GALNT11: variants seen among roughly 807,000 people sequenced by gnomAD.
GALNT11 encodes the protein UDP-GalNAc:polypeptide N-acetylgalactosaminyltransferase 11.
Under a neutral mutation model 72.7 loss-of-function variants are expected in GALNT11, and 47 were observed. That is an observed-to-expected ratio of 0.65 (90% confidence interval 0.51 to 0.82). GALNT11 has a LOEUF of 0.82. GALNT11 is among the 40% of genes least tolerant of loss of function. GALNT11 has a pLI of 0.00. For missense variants in GALNT11, 677 were observed against 778.4 expected (o/e 0.87, Z 1.55); for synonymous variants, 270 against 286.6 (o/e 0.94, Z 0.58).
chr7:152,067,641 T>A (rs561070818), intron 1 of GALNT11, among the ~76,000 whole-genome samples: 4 of 152,340 alleles, frequency 2.6e-5, no homozygotes, highest in African/African-American at 9.6e-5. Flanking sequence ...AGAGCCATCT[T>A]GCACATTTCC....
At chr7:152,032,447 A>G (rs2082347859) in intron 1 of GALNT11, among the ~76,000 whole-genome samples, 1 of 152,328 alleles carries the variant, frequency 6.6e-6, no homozygotes, top group South Asian at 2.1e-4. Context: ...AACTGGATAT[A>G]GAGGAATTAC....
At position 152,121,601 on chromosome 7, in the gene GALNT11, C is replaced by G; in HGVS notation, c.1751C>G (p.Pro584Arg). The change falls in exon 12 of 12, where the codon CCC becomes CGC. Residue 584 changes from proline to arginine, a missense_variant. Transcript: ENST00000430044. ...SVGQCLRAVD[P>R]LGQKGSVAMA... ...GGACAGTGCCTGAGAGCAGTGGATC[C>G]CCTGGGTCAGAAGGGCTCTGTCGCC... 6.2e-7 allele frequency: 1 copy of G among 1,614,132 alleles called. No individual in the cohort carries two copies. Among genetic ancestry groups the G allele is most frequent in the Non-Finnish European group, 8.5e-7 (1 of 1,180,010 alleles).
chr7:152,030,086 C>T (rs903948141), intron 1 of GALNT11, among the ~76,000 whole-genome samples: 1 of 152,108 alleles, frequency 6.6e-6, no homozygotes, highest in Non-Finnish European at 1.5e-5. Flanking sequence ...GTTTTTTCCC[C>T]GTGTGCGGAG....
At chr7:152,105,395 C>T (rs749292487) in intron 5 of GALNT11, 25 bp downstream of exon 5, 1 of 1,604,380 alleles carries the variant, frequency 6.2e-7, no homozygotes, top group South Asian at 1.1e-5. Flanking sequence ...TAGCTTTGCT[C>T]TACAGGTGTT....
intron 1 of GALNT11, among the ~76,000 whole-genome samples, chr7:152,029,834 G>C (rs1018697819): frequency 5.3e-5 from 8 of 152,338 alleles, no homozygotes; most frequent in Admixed American, 4.6e-4. Context: ...TTGTATGGTA[G>C]TTAGTTAAGA....
At chr7:152,093,402 AT>A (rs138875670) in intron 1 of GALNT11, among the ~76,000 whole-genome samples, 29 of 151,884 alleles carry the variant, frequency 1.9e-4, no homozygotes, top group Non-Finnish European at 3.2e-4. Flanking sequence ...GGAAAGTAGA[AT>A]TTTTTTTAAG....
intron 1 of GALNT11, among the ~76,000 whole-genome samples, chr7:152,059,011 C>G (rs2083853745): frequency 6.6e-6 from 1 of 152,166 alleles, no homozygotes; most frequent in East Asian, 1.9e-4. Flanking sequence ...CTTCTAAACT[C>G]CCGTTAATAT....
intron 1 of GALNT11, among the ~76,000 whole-genome samples, chr7:152,082,441 A>G (rs948814456): frequency 6.6e-6 from 1 of 152,200 alleles, no homozygotes; most frequent in African/African-American, 2.4e-5. Context: ...AGAACTTTTT[A>G]AAAGAGGCAA....
chr7:152,085,540 T>C (rs767438812), intron 1 of GALNT11, among the ~76,000 whole-genome samples: 10 of 152,006 alleles, frequency 6.6e-5, no homozygotes, highest in African/African-American at 1.2e-4. Context: ...TAGCAAACAG[T>C]ATGAAACACA....
chr7:152,061,201 G>C (rs962349353), intron 1 of GALNT11, among the ~76,000 whole-genome samples: 2 of 152,132 alleles, frequency 1.3e-5, no homozygotes, highest in Non-Finnish European at 2.9e-5. Context: ...TTGTGGTTTT[G>C]ATTTGCATTT....
intron 1 of GALNT11, among the ~76,000 whole-genome samples, chr7:152,038,598 T>G (rs909512980): frequency 6.6e-6 from 1 of 152,232 alleles, no homozygotes; most frequent in Non-Finnish European, 1.5e-5. Context: ...GGCCAGATTT[T>G]GGGGCCTGTT....
At chr7:152,061,788 T>C (rs2084033228) in intron 1 of GALNT11, among the ~76,000 whole-genome samples, 2 of 152,206 alleles carry the variant, frequency 1.3e-5, no homozygotes, top group African/African-American at 4.8e-5. Context: ...TGGTTATAGA[T>C]GTGTGGTATT....
intron 1 of GALNT11, among the ~76,000 whole-genome samples, chr7:152,037,026 G>C (rs531217679): frequency 3.2e-4 from 48 of 152,180 alleles, no homozygotes; most frequent in Admixed American, 2.8e-3. Context: ...CTTTCTCCTG[G>C]TCTCTAGGTT....
At chr7:152,089,647 G>A (rs538937454) in intron 1 of GALNT11, among the ~76,000 whole-genome samples, 9 of 152,298 alleles carry the variant, frequency 5.9e-5, no homozygotes, top group South Asian at 2.1e-4. Context: ...CATAGGCTGC[G>A]AGCTGGAACG....
At chr7:152,107,801 C>T (rs951651592) in intron 5 of GALNT11, 26 of 374,884 alleles carry the variant, frequency 6.9e-5, no homozygotes, top group South Asian at 6.4e-5. Context: ...AAGAGTCGCG[C>T]GTATGATTTG....
intron 1 of GALNT11, among the ~76,000 whole-genome samples, chr7:152,030,085 C>CCGTGTG (rs1394442267): frequency 6.6e-6 from 1 of 152,146 alleles, no homozygotes; most frequent in African/African-American, 2.4e-5. Context: ...GGTTTTTTCC[C>CCGTGTG]CGTGTGCGGA....
At chr7:152,083,874 G>C (rs2085466593) in intron 1 of GALNT11, among the ~76,000 whole-genome samples, 1 of 152,052 alleles carries the variant, frequency 6.6e-6, no homozygotes, top group African/African-American at 2.4e-5. Flanking sequence ...GGACCTTTTG[G>C]AGCTTCTTAT....
At chr7:152,050,074 A>G (rs1474898135) in intron 1 of GALNT11, among the ~76,000 whole-genome samples, 3 of 151,822 alleles carry the variant, frequency 2.0e-5, no homozygotes, top group Admixed American at 2.0e-4. Context: ...GAAATCAAGG[A>G]CCCCAAGGGC....
At chr7:152,112,095 A>T (rs1288579726) in intron 7 of GALNT11, among the ~76,000 whole-genome samples, 1 of 152,036 alleles carries the variant, frequency 6.6e-6, no homozygotes, top group Non-Finnish European at 1.5e-5. Context: ...GCGAGGGGAG[A>T]GCTGAGACTT....
Sources: gnomAD v4.1 joint callset for allele counts (sites outside exome capture counted in the v4.1 genomes callset) on GRCh38, gnomAD v4.1.1 for gene constraint, MANE v1.5 for transcripts, NCBI Gene and HGNC (gene_info 2026-07-23, HGNC 2026-07-21) for gene names.